TRIM33: variants seen among roughly 807,000 people sequenced by gnomAD.
TRIM33 encodes tripartite motif containing 33, also known as E3 ubiquitin-protein ligase TRIM33.
Under a neutral mutation model 125.4 loss-of-function variants are expected in TRIM33, and 20 were observed. That is an observed-to-expected ratio of 0.16 (90% confidence interval 0.11 to 0.23). The LOEUF (loss-of-function observed/expected upper bound fraction) is 0.23. TRIM33 is among the 10% of genes least tolerant of loss of function. TRIM33 has a pLI of 1.00. For synonymous variants in TRIM33, 564 were observed against 513.9 expected, an observed-to-expected ratio of 1.10 and a Z score of -1.32; for missense variants, 920 against 1,411.4, an observed-to-expected ratio of 0.65 and a Z score of 5.58.
At chr1:114,473,633 C>A (rs779171125) in intron 1 of TRIM33, among the ~76,000 whole-genome samples, 5 of 151,712 alleles carry the variant, frequency 3.3e-5, no homozygotes, top group Admixed American at 6.6e-5. Flanking sequence ...AGCATGTGAT[C>A]GAAAAAGATT....
At chr1:114,489,739 T>A (rs1056224887) in intron 1 of TRIM33, among the ~76,000 whole-genome samples, 1 of 151,876 alleles carries the variant, frequency 6.6e-6, no homozygotes, top group Non-Finnish European at 1.5e-5. Context: ...AGCAAGACCC[T>A]GTCTCAAAAA....
At chr1:114,445,520 CGTG>C (rs2101268822) in intron 4 of TRIM33, among the ~76,000 whole-genome samples, 1 of 152,256 alleles carries the variant, frequency 6.6e-6, no homozygotes, top group South Asian at 2.1e-4. Flanking sequence ...GGATTACAGG[CGTG>C]AGCTACCACA....
intron 6 of TRIM33, 117 bp downstream of exon 6, chr1:114,430,681 T>A: frequency 1.5e-6 from 1 of 680,714 alleles, no homozygotes; most frequent in Non-Finnish European, 2.6e-6. Context: ...AACCTTATTT[T>A]ACGTTTTCCT....
At chr1:114,420,343 C>T (rs149177296) in intron 11 of TRIM33, 3 of 1,221,278 alleles carry the variant, frequency 2.5e-6, no homozygotes, top group Admixed American at 2.3e-5. Flanking sequence ...AACTGACTAC[C>T]CCTTTGGATC....
intron 1 of TRIM33, among the ~76,000 whole-genome samples, chr1:114,509,550 T>G (rs1474598797): frequency 6.6e-6 from 1 of 152,306 alleles, no homozygotes; most frequent in Middle Eastern, 3.4e-3. Flanking sequence ...AACCTTTATC[T>G]TTTCAGCCCA....
intron 13 of TRIM33, among the ~76,000 whole-genome samples, chr1:114,407,554 G>T (rs1652326990): frequency 6.6e-6 from 1 of 152,050 alleles, no homozygotes. Context: ...TGTACAAAAT[G>T]AACCCGAAAT....
intron 17 of TRIM33, among the ~76,000 whole-genome samples, chr1:114,400,485 G>A (rs540520793): frequency 2.0e-5 from 3 of 152,340 alleles, no homozygotes; most frequent in African/African-American, 7.2e-5. Context: ...TTACAGGCAT[G>A]AGCCACCATG....
chr1:114,434,151 A>G (rs1243603232), intron 4 of TRIM33, among the ~76,000 whole-genome samples: 3 of 152,170 alleles, frequency 2.0e-5, no homozygotes, highest in Non-Finnish European at 2.9e-5. Flanking sequence ...ATAGTTCCTT[A>G]ATCTTTTAAT....
In TRIM33 at chr1:114,402,976, T is replaced by G. The variant is rs1652001078; in HGVS notation, c.2769-93A>C. 4 of 1,258,918 alleles carry G rather than the reference T, an allele frequency of 3.2e-6. No homozygotes were observed. In the African/African-American group the frequency reaches 6.1e-5, roughly 19 times the overall value. 78.0% of individuals were successfully genotyped at this position (1,258,918 alleles called of 1,614,324 possible). The stretch of plus-strand genomic sequence containing the variant: ...CTGGACTGGGGCCTGGTTTATTTTC[T>G]TAATAATTTTTTGAAAAAAGGGAGG... On this transcript the variant is annotated intron_variant, in intron 15 of 19. Transcript: ENST00000358465.
chr1:114,457,791 C>T (rs755417210), intron 4 of TRIM33, among the ~76,000 whole-genome samples: 1 of 152,174 alleles, frequency 6.6e-6, no homozygotes, highest in Admixed American at 6.5e-5. Flanking sequence ...AGGGCCACCA[C>T]TGTGATTACA....
At chr1:114,402,910 C>A in intron 15 of TRIM33, 27 bp from the exon 16 acceptor site, 2 of 1,589,368 alleles carry the variant, frequency 1.3e-6, no homozygotes, top group Non-Finnish European at 1.7e-6. Flanking sequence ...GCAATTAGTC[C>A]ACGTAATTAT....
intron 4 of TRIM33, among the ~76,000 whole-genome samples, chr1:114,444,500 G>C (rs1648856545): frequency 6.6e-6 from 1 of 152,134 alleles, no homozygotes; most frequent in African/African-American, 2.4e-5. Context: ...CTATACCCTG[G>C]AGTAAGCTGT....
chr1:114,428,904 G>A (rs1179752282), intron 6 of TRIM33, among the ~76,000 whole-genome samples: 2 of 151,810 alleles, frequency 1.3e-5, no homozygotes, highest in Non-Finnish European at 2.9e-5. Flanking sequence ...CCCCAGGCTG[G>A]AGTGCAGTGG....
intron 1 of TRIM33, among the ~76,000 whole-genome samples, chr1:114,489,607 T>A (rs1358826949): frequency 6.6e-6 from 1 of 151,418 alleles, no homozygotes; most frequent in African/African-American, 2.4e-5. Flanking sequence ...ATTAGCTGGG[T>A]GCAGTGGTGC....
intron 13 of TRIM33, among the ~76,000 whole-genome samples, 179 bp downstream of exon 13, chr1:114,408,498 A>C (rs983747605): frequency 3.8e-4 from 58 of 152,344 alleles, no homozygotes; most frequent in African/African-American, 1.4e-3. Flanking sequence ...TTGTTTCAAA[A>C]TAATTCAGAC....
chr1:114,483,464 T>G (rs540705886), intron 1 of TRIM33, among the ~76,000 whole-genome samples: 2 of 151,886 alleles, frequency 1.3e-5, no homozygotes, highest in South Asian at 4.2e-4. Flanking sequence ...TGGCCCAGGC[T>G]GGAGTGCAGT....
intron 4 of TRIM33, among the ~76,000 whole-genome samples, chr1:114,456,425 C>T (rs1649628086): frequency 6.6e-6 from 1 of 152,192 alleles, no homozygotes; most frequent in South Asian, 2.1e-4. Context: ...ATGAAAAAAG[C>T]AGATGGCTCA....
intron 4 of TRIM33, among the ~76,000 whole-genome samples, chr1:114,438,768 C>CA (rs1265136150): frequency 6.6e-6 from 1 of 152,150 alleles, no homozygotes; most frequent in East Asian, 1.9e-4. Context: ...ACACACAAAG[C>CA]AAAGCACTTA....
chr1:114,399,409 A>C, intron 18 of TRIM33, 48 bp downstream of exon 18: 1 of 1,545,116 alleles, frequency 6.5e-7, no homozygotes, highest in Non-Finnish European at 8.7e-7. Flanking sequence ...ACAAGGAAAC[A>C]AACAAAAACT....
Sources: allele counts gnomAD v4.1 joint callset (sites outside exome capture counted in the v4.1 genomes callset), GRCh38; gene constraint gnomAD v4.1.1; transcripts MANE v1.5; gene names NCBI Gene and HGNC (gene_info 2026-07-23, HGNC 2026-07-21).